CUX1: variants seen among roughly 807,000 people sequenced by gnomAD.
The protein encoded by CUX1 is cut like homeobox 1, also known as protein CASP.
In CUX1, 31 loss-of-function variants were observed where a neutral mutation model predicts 158.8. The observed-to-expected ratio is 0.20, with a 90% CI of 0.15 to 0.26. The LOEUF is 0.26. CUX1 is among the 10% of genes least tolerant of loss of function. The pLI is 1.00. For missense variants in CUX1, 1,589 were observed against 2,014.6 expected, an observed-to-expected ratio of 0.79 and a Z score of 4.04; for synonymous variants, 879 against 862.1, an observed-to-expected ratio of 1.02 and a Z score of -0.34.
intron 2 of CUX1, among the ~76,000 whole-genome samples, chr7:102,021,775 G>A (rs1019905778): frequency 5.3e-5 from 8 of 152,000 alleles, no homozygotes; most frequent in Admixed American, 5.2e-4. Flanking sequence ...TGGTCAGACT[G>A]GTCTCCAACT....
intron 1 of CUX1, among the ~76,000 whole-genome samples, chr7:101,861,661 G>T (rs930461058): frequency 4.0e-4 from 61 of 152,282 alleles, no homozygotes; most frequent in African/African-American, 1.4e-3. Context: ...TCCTGATTTG[G>T]TGGTGCTGGT....
rs1554542114 is a variant in CUX1, at chr7:102,256,585, TCTAA to T, written c.*7546_*7549del. 1 of 985,242 alleles carries T rather than the reference TCTAA, an allele frequency of 1.0e-6. No individual in the cohort carries two copies. The allele number at this position is 985,242 out of a possible 1,614,324, so 61.0% of individuals were successfully genotyped here. On this transcript the variant is annotated 3_prime_UTR_variant, in exon 24 of 24. Coordinates refer to ENST00000292535, the MANE Select transcript of CUX1 (RefSeq NM_181552.4). ...CTCAAAAACTGGTGGTCTCTATGTG[TCTAA>T]CTTTTTAAATGAGAGTGTTTATGAA... is the stretch of plus-strand genomic sequence containing the variant.
rs537677764 is a variant in CUX1, at chr7:101,882,932, G to A, written c.31-33183G>A. Among the ~76,000 whole-genome samples, 3 of 151,978 alleles carry A rather than the reference G, an allele frequency of 2.0e-5. No homozygotes were observed. The South Asian group carries it at 6.2e-4, about 32-fold the overall frequency. On this transcript the variant is annotated intron_variant, in intron 1 of 23. Coordinates refer to ENST00000292535, the MANE Select transcript of CUX1 (RefSeq NM_181552.4). The stretch of plus-strand genomic sequence containing the variant: ...GAAAATCTGGGATAAAGCCTTTTTC[G>A]GGCCTCTAAGGCCCTGCTGGTTCTG...
In CUX1 at chr7:102,252,937, C is replaced by T; in HGVS notation, c.*3895C>T. 1.0e-6 allele frequency: 1 copy of T among 985,444 alleles called. No homozygotes were observed. The highest frequency in any genetic ancestry group is 1.2e-6 in the Non-Finnish European group (1 of 829,954). 61.0% of individuals were successfully genotyped at this position (985,444 alleles called of 1,614,324 possible). On this transcript the variant is annotated 3_prime_UTR_variant, in exon 24 of 24. Transcript: ENST00000292535. ...TCCTGGGACAGGATTGGGGTGACAGCCCAGGGATGCATGCATGGGAGAACT... is the reference window on the plus strand; with the variant it reads ...TCCTGGGACAGGATTGGGGTGACAGTCCAGGGATGCATGCATGGGAGAACT...
chr7:102,253,535 TGAC>T lies in CUX1; in HGVS notation c.*4494_*4496del, dbSNP rs1801748862. The T allele has an allele frequency of 2.0e-6, 2 of 985,364 alleles. No homozygotes were observed. Among genetic ancestry groups the T allele is most frequent in the African/African-American group, 3.5e-5 (2 of 57,250 alleles). 61.0% of individuals were successfully genotyped at this position (985,364 alleles called of 1,614,324 possible). ...TGCAAGGGTGATCAATGAACTCTGT[TGAC>T]ATTCTATGCAATGTTTTTCATTCCT... On this transcript the variant is annotated 3_prime_UTR_variant, in exon 24 of 24. Transcript: ENST00000292535.
Position 102,251,237 on chromosome 7 carries a change from T to C in CUX1, c.*2195T>C. The C allele has an allele frequency of 1.0e-6, 1 of 982,292 alleles. No homozygotes were observed. The highest frequency in any genetic ancestry group is 1.2e-6 in the Non-Finnish European group (1 of 827,150). 60.8% of individuals were successfully genotyped at this position (982,292 alleles called of 1,614,324 possible). A position where few individuals can be genotyped will look rare whatever the true frequency, so the allele number is the denominator to read the frequency against. On this transcript the variant is annotated 3_prime_UTR_variant, in exon 24 of 24. Coordinates refer to ENST00000292535, the MANE Select transcript of CUX1 (RefSeq NM_181552.4). ...CTTAAGTTTAATTAATATTACTTTT[T>C]TTTTTATTTGGGGGGTGGGAGGGAG...
At chr7:101,966,214 C>T (rs546747605) in intron 2 of CUX1, among the ~76,000 whole-genome samples, 41 of 151,906 alleles carry the variant, frequency 2.7e-4, no homozygotes, top group East Asian at 1.9e-4. Context: ...TACAGGTGCG[C>T]GTCACCATGC....
At chr7:101,827,550 ATCT>A (rs1793482440) in intron 1 of CUX1, among the ~76,000 whole-genome samples, 1 of 151,886 alleles carries the variant, frequency 6.6e-6, no homozygotes, top group South Asian at 2.1e-4. Flanking sequence ...GGTTCAAGTA[ATCT>A]TCCTGTCCCA....
chr7:102,017,583 A>ACGCCTGTAACCCAGCG (rs1314800327), intron 2 of CUX1, among the ~76,000 whole-genome samples: 1 of 152,100 alleles, frequency 6.6e-6, no homozygotes. Context: ...GCGGTGGCTC[A>ACGCCTGTAACCCAGCG]CGCCTGTAAC....
At chr7:102,090,688 CTT>C (rs34834342) in intron 4 of CUX1, among the ~76,000 whole-genome samples, 2 of 136,516 alleles carry the variant, frequency 1.5e-5, no homozygotes, top group African/African-American at 2.6e-5. Flanking sequence ...CACCCCGCCT[CTT>C]TTTTTTTTTT....
intron 3 of CUX1, among the ~76,000 whole-genome samples, chr7:102,062,934 G>A (rs1313373506): frequency 1.3e-5 from 2 of 152,048 alleles, no homozygotes; most frequent in Admixed American, 6.5e-5. Context: ...GAGAAACCCC[G>A]TCTCTATTAA....
At chr7:101,893,008 G>A (rs1258162520) in intron 1 of CUX1, among the ~76,000 whole-genome samples, 1 of 152,040 alleles carries the variant, frequency 6.6e-6, no homozygotes, top group Non-Finnish European at 1.5e-5. Context: ...TCTTAAGAGA[G>A]GAGAGAAATA....
chr7:101,987,679 G>C (rs1162452913), intron 2 of CUX1, among the ~76,000 whole-genome samples: 1 of 152,210 alleles, frequency 6.6e-6, no homozygotes, highest in African/African-American at 2.4e-5. Context: ...GGCCGCTGCG[G>C]TGTCCTGGCG....
rs1171154775 is a variant in CUX1 at position 102,087,985 on chromosome 7, A to G, written c.269-9379A>G. Among the ~76,000 whole-genome samples, 4 of 150,078 alleles carry G rather than the reference A, an allele frequency of 2.7e-5. No individual in the cohort carries two copies. In the East Asian group the frequency reaches 7.8e-4, roughly 29 times the overall value. On this transcript the variant is annotated intron_variant, in intron 4 of 23. Coordinates refer to ENST00000292535, the MANE Select transcript of CUX1 (RefSeq NM_181552.4). Reference sequence around the variant, plus strand: ...TAGCTTTCATTCATCTGGGGAAAAAATACCTTAATCTCACCCTTTTTTTTT... The same window carrying G: ...TAGCTTTCATTCATCTGGGGAAAAAGTACCTTAATCTCACCCTTTTTTTTT...
chr7:102,199,706 G>A (rs543806478), intron 16 of CUX1, among the ~76,000 whole-genome samples: 2 of 152,280 alleles, frequency 1.3e-5, no homozygotes, highest in African/African-American at 4.8e-5. Flanking sequence ...ATCTAACCCC[G>A]AGGAGAGTCA....
At chr7:102,094,291 GCA>G (rs1478393541) in intron 4 of CUX1, among the ~76,000 whole-genome samples, 3 of 152,206 alleles carry the variant, frequency 2.0e-5, no homozygotes, top group Non-Finnish European at 4.4e-5. Context: ...GGAGTTTAAT[GCA>G]CAGAGATGTT....
At chr7:101,975,479 C>T (rs542752238) in intron 2 of CUX1, among the ~76,000 whole-genome samples, 6 of 152,018 alleles carry the variant, frequency 3.9e-5, no homozygotes, top group African/African-American at 1.4e-4. Context: ...ATCACTTGAG[C>T]CCAGGAGTTC....
chr7:101,951,520 T>G (rs1809051829), intron 2 of CUX1, among the ~76,000 whole-genome samples: 1 of 152,036 alleles, frequency 6.6e-6, no homozygotes, highest in South Asian at 2.1e-4. Flanking sequence ...CTTTTTTTTT[T>G]TTCTGGAGAC....
intron 17 of CUX1, among the ~76,000 whole-genome samples, chr7:102,200,691 A>G (rs186940498): frequency 3.6e-4 from 54 of 151,878 alleles, no homozygotes; most frequent in African/African-American, 1.1e-3. Context: ...TGACAGAACC[A>G]CTTGCATTTC....
Sources: allele counts gnomAD v4.1 joint callset (sites outside exome capture counted in the v4.1 genomes callset), GRCh38; gene constraint gnomAD v4.1.1; transcripts MANE v1.5; gene names NCBI Gene and HGNC (gene_info 2026-07-23, HGNC 2026-07-21).